The following EPN2 variants were observed in gnomAD, a reference collection of about 807,000 sequenced individuals.
EPN2 encodes epsin-2.
EPN2 carries 34 observed loss-of-function variants against 61.7 expected under a neutral mutation model. The observed-to-expected ratio is 0.55, with a 90% CI of 0.42 to 0.73. EPN2 has a LOEUF of 0.73. Among genes scored for constraint, EPN2 ranks in the 30% least tolerant of loss-of-function variants. The pLI is 0.00. For synonymous variants in EPN2, 349 were observed against 353.6 expected (o/e 0.99, Z 0.15); for missense variants, 714 against 839.2 (o/e 0.85, Z 1.84).
chr17:19,260,510 A>T (rs1473997030), intron 1 of EPN2, among the ~76,000 whole-genome samples: 1 of 152,142 alleles, frequency 6.6e-6, no homozygotes, highest in Non-Finnish European at 1.5e-5. Context: ...GGAAGGACAC[A>T]GGTGGACCTG....
intron 7 of EPN2, among the ~76,000 whole-genome samples, chr17:19,327,665 C>T (rs1329837461): frequency 6.6e-6 from 1 of 152,044 alleles, no homozygotes; most frequent in Non-Finnish European, 1.5e-5. Flanking sequence ...GAGTGAGACC[C>T]TATCTGATAA....
chr17:19,242,062 C>G lies in EPN2; in HGVS notation c.-294+4531C>G, dbSNP rs192377804. On this transcript the variant is annotated intron_variant, in intron 1 of 10. Coordinates refer to ENST00000314728, the MANE Select transcript of EPN2 (RefSeq NM_014964.5). ...TTCCTAACCTTAGAACCTTTGAAAA[C>G]ACTGTGGTTTGAATGTCAATAATTA... is the stretch of plus-strand genomic sequence containing the variant. 1.0e-3 allele frequency among the ~76,000 whole-genome samples: 151 copies of G among 150,314 alleles called. 1 individual carries two copies. Among genetic ancestry groups the G allele is most frequent in the Admixed American group, 3.7e-3 (56 of 15,084 alleles).
intron 1 of EPN2, chr17:19,248,543 A>C (rs565111384): frequency 2.6e-5 from 4 of 152,324 alleles, no homozygotes; most frequent in Non-Finnish European, 5.9e-5. Flanking sequence ...AGATAGATTC[A>C]GTTTATTAGT....
Position 19,265,716 on chromosome 17 carries a change from G to C in EPN2, c.-293-16239G>C, listed in dbSNP as rs2045190715. ...ACATGTTGGCCACAGTGCCCCTCCTGTGCCCTGGTCCTGGGCACCAGCTCC... is the reference window on the plus strand; with the variant it reads ...ACATGTTGGCCACAGTGCCCCTCCTCTGCCCTGGTCCTGGGCACCAGCTCC... On this transcript the variant is annotated intron_variant, in intron 1 of 10. Transcript: ENST00000314728. 2.0e-5 allele frequency among the ~76,000 whole-genome samples: 3 copies of C among 152,072 alleles called. No homozygotes were observed. The South Asian group carries it at 6.2e-4, about 32-fold the overall frequency.
intron 7 of EPN2, chr17:19,313,565 C>CA (rs1424353880): frequency 8.1e-6 from 3 of 368,572 alleles, no homozygotes; most frequent in Non-Finnish European, 1.5e-5. Context: ...TTCTCTGGGA[C>CA]ATGTTTCAAC....
chr17:19,239,497 T>G (rs955881856), intron 1 of EPN2, among the ~76,000 whole-genome samples: 1 of 152,244 alleles, frequency 6.6e-6, no homozygotes, highest in African/African-American at 2.4e-5. Flanking sequence ...TTTTAAAAGC[T>G]TATTTATTTC....
At chr17:19,302,698 G>A (rs1905590594) in intron 4 of EPN2, among the ~76,000 whole-genome samples, 2 of 152,240 alleles carry the variant, frequency 1.3e-5, no homozygotes, top group Admixed American at 1.3e-4. Context: ...CACAATAAAT[G>A]TAATGTGCTT....
chr17:19,279,480 C>T (rs776681903), intron 1 of EPN2, among the ~76,000 whole-genome samples: 10 of 151,908 alleles, frequency 6.6e-5, no homozygotes, highest in Non-Finnish European at 1.5e-4. Context: ...ACTGTGTCAC[C>T]CAGGCTGGAG....
At chr17:19,258,770 A>T (rs2045109276) in intron 1 of EPN2, among the ~76,000 whole-genome samples, 1 of 152,224 alleles carries the variant, frequency 6.6e-6, no homozygotes, top group African/African-American at 2.4e-5. Flanking sequence ...GGGTTCCCAC[A>T]CAGGGAAAGG....
At chr17:19,237,753 C>T (rs770732515) in intron 1 of EPN2, among the ~76,000 whole-genome samples, 1 of 152,152 alleles carries the variant, frequency 6.6e-6, no homozygotes, top group Non-Finnish European at 1.5e-5. Flanking sequence ...TGGCCCCCTT[C>T]CCATCTGGAT....
intron 1 of EPN2, among the ~76,000 whole-genome samples, chr17:19,242,017 A>G (rs1452311408): frequency 6.6e-6 from 1 of 152,194 alleles, no homozygotes. Context: ...GGAATTGTGA[A>G]TAACGAGATT....
At chr17:19,303,324 A>G (rs1905629221) in intron 4 of EPN2, among the ~76,000 whole-genome samples, 1 of 152,198 alleles carries the variant, frequency 6.6e-6, no homozygotes, top group Non-Finnish European at 1.5e-5. Context: ...AAGTTGTCTG[A>G]AAGTGTCTTG....
At chr17:19,318,827 G>A (rs1286387478) in intron 7 of EPN2, among the ~76,000 whole-genome samples, 2 of 152,056 alleles carry the variant, frequency 1.3e-5, no homozygotes, top group East Asian at 3.9e-4. Flanking sequence ...CGTGCTGCTG[G>A]CTCATGGAGA....
intron 4 of EPN2, among the ~76,000 whole-genome samples, chr17:19,292,064 C>CA (rs969310482): frequency 1.3e-5 from 2 of 152,090 alleles, no homozygotes; most frequent in African/African-American, 2.4e-5. Flanking sequence ...TTTGAAAACT[C>CA]AAAGATGTGG....
chr17:19,239,580 T>TA (rs1801081678), intron 1 of EPN2, among the ~76,000 whole-genome samples: 2 of 152,260 alleles, frequency 1.3e-5, no homozygotes, highest in South Asian at 4.1e-4. Flanking sequence ...GGGAATGAGA[T>TA]ACTGGTTATT....
chr17:19,259,574 A>G (rs1754866976), intron 1 of EPN2, among the ~76,000 whole-genome samples: 1 of 152,084 alleles, frequency 6.6e-6, no homozygotes, highest in Non-Finnish European at 1.5e-5. Context: ...GGCCTCCCAA[A>G]GTGCTGGGTT....
chr17:19,311,313 C>T (rs568467233), intron 5 of EPN2, among the ~76,000 whole-genome samples: 5 of 152,064 alleles, frequency 3.3e-5, no homozygotes, highest in South Asian at 2.1e-4. Flanking sequence ...TAGGGACAGA[C>T]GGACGGTTTG....
Position 19,279,623 on chromosome 17 carries a change from A to G in EPN2, c.-293-2332A>G, listed in dbSNP as rs370935000. 2.6e-5 allele frequency among the ~76,000 whole-genome samples: 4 copies of G among 151,758 alleles called. No individual in the cohort carries two copies. The East Asian group carries it at 5.8e-4, about 22-fold the overall frequency. ...CTGGCTAATTTTTTGTATTTTTAGTAGAGACGGGGTTTCACCATTCACAGG... is the reference window on the plus strand; with the variant it reads ...CTGGCTAATTTTTTGTATTTTTAGTGGAGACGGGGTTTCACCATTCACAGG... On this transcript the variant is annotated intron_variant, in intron 1 of 10. Transcript: ENST00000314728.
At chr17:19,318,549 C>CAAAAAAAA (rs58660254) in intron 7 of EPN2, among the ~76,000 whole-genome samples, 683 of 24,772 alleles carry the variant, frequency 0.028, 180 homozygotes, top group Non-Finnish European at 0.06. Flanking sequence ...GACTCCATCT[C>CAAAAAAAA]AAAAAAAAAA....
Sources: gnomAD v4.1 joint callset for allele counts (sites outside exome capture counted in the v4.1 genomes callset) on GRCh38, gnomAD v4.1.1 for gene constraint, MANE v1.5 for transcripts, NCBI Gene and HGNC (gene_info 2026-07-23, HGNC 2026-07-21) for gene names.